The following PRKCA variants were observed in gnomAD, a reference collection of about 807,000 sequenced individuals.
PRKCA encodes the protein protein kinase C alpha type.
Under a neutral mutation model 87.0 loss-of-function variants are expected in PRKCA, and 27 were observed. The observed-to-expected ratio is 0.31, with a 90% CI of 0.23 to 0.43. The LOEUF (loss-of-function observed/expected upper bound fraction) is 0.43. Among genes scored for constraint, PRKCA ranks in the 20% least tolerant of loss-of-function variants. The pLI is 1.00. For missense variants in PRKCA, 518 were observed against 852.3 expected, an observed-to-expected ratio of 0.61 and a Z score of 4.88; for synonymous variants, 329 against 311.1, an observed-to-expected ratio of 1.06 and a Z score of -0.61.
intron 2 of PRKCA, among the ~76,000 whole-genome samples, chr17:66,495,944 C>G (rs1041413931): frequency 1.3e-5 from 2 of 152,172 alleles, no homozygotes; most frequent in Non-Finnish European, 2.9e-5. Context: ...TGATTCTCCT[C>G]TCCCTCAACT....
In PRKCA at chr17:66,754,409, G is replaced by A. The variant is rs75037130; in HGVS notation, c.1524+11649G>A. Among the ~76,000 whole-genome samples, 16 of 152,112 alleles carry A rather than the reference G, an allele frequency of 1.1e-4. No homozygotes were observed. In the East Asian group the frequency reaches 3.1e-3, roughly 30 times the overall value. ...TAAAGCAAGAGCCAGGATGAATCCT[G>A]GCCCCATCTGCCACCTCCCCACTGT... On this transcript the variant is annotated intron_variant, in intron 13 of 16. Transcript: ENST00000413366.
chr17:66,606,422 G>T (rs1038163135), intron 3 of PRKCA, among the ~76,000 whole-genome samples: 1 of 152,042 alleles, frequency 6.6e-6, no homozygotes, highest in African/African-American at 2.4e-5. Context: ...TTAAACCAAA[G>T]AAATACCAGG....
intron 3 of PRKCA, among the ~76,000 whole-genome samples, chr17:66,583,670 A>C (rs1268440750): frequency 6.6e-6 from 1 of 152,064 alleles, no homozygotes; most frequent in Non-Finnish European, 1.5e-5. Context: ...GAAATGTTTG[A>C]AAATGAGAAA....
intron 3 of PRKCA, among the ~76,000 whole-genome samples, chr17:66,497,470 T>G (rs377505269): frequency 6.7e-6 from 1 of 148,390 alleles, no homozygotes; most frequent in Non-Finnish European, 1.5e-5. Flanking sequence ...CACTCCAACC[T>G]GGGCAACAAG....
rs149039351 is a variant in PRKCA, at chr17:66,637,105, G to A, written c.289-4250G>A. Among the ~76,000 whole-genome samples the A allele has an allele frequency of 2.4e-3, 372 of 152,228 alleles. 1 individual carries two copies. Among genetic ancestry groups the A allele is most frequent in the African/African-American group, 8.5e-3 (355 of 41,540 alleles). ...TTCCTCTCTTCCTACACCTCCAAAC[G>A]GTGAGAACCTGAAGGTGCCATATGG... On this transcript the variant is annotated intron_variant, in intron 3 of 16. Coordinates refer to ENST00000413366, the MANE Select transcript of PRKCA (RefSeq NM_002737.3).
chr17:66,318,664 GGCCAAT>G, intron 2 of PRKCA, among the ~76,000 whole-genome samples: 2 of 152,252 alleles, frequency 1.3e-5, no homozygotes, highest in South Asian at 2.1e-4. Context: ...AGACTAGCCT[GGCCAAT>G]GCAGTGAAAC....
intron 3 of PRKCA, among the ~76,000 whole-genome samples, chr17:66,519,099 C>A (rs1479834469): frequency 2.6e-5 from 4 of 152,126 alleles, no homozygotes; most frequent in African/African-American, 9.7e-5. Flanking sequence ...TGGGCTCATG[C>A]TATTTCTATT....
chr17:66,590,799 G>A (rs1034438391), intron 3 of PRKCA, among the ~76,000 whole-genome samples: 1 of 152,012 alleles, frequency 6.6e-6, no homozygotes, highest in Admixed American at 6.6e-5. Context: ...GCAGTGAGCC[G>A]AGATCACGCT....
intron 2 of PRKCA, among the ~76,000 whole-genome samples, chr17:66,460,388 AG>A (rs60861757): frequency 6.6e-6 from 1 of 152,108 alleles, no homozygotes; most frequent in Admixed American, 6.5e-5. Context: ...CATTTGATAG[AG>A]GGGGGAAAAG....
At chr17:66,460,242 G>A (rs1376074686) in intron 2 of PRKCA, among the ~76,000 whole-genome samples, 1 of 152,164 alleles carries the variant, frequency 6.6e-6, no homozygotes, top group Non-Finnish European at 1.5e-5. Flanking sequence ...GAGTTGAATG[G>A]TATGTGGGCT....
intron 2 of PRKCA, among the ~76,000 whole-genome samples, chr17:66,410,572 CTTTTTG>C (rs765196764): frequency 4.0e-5 from 6 of 151,892 alleles, no homozygotes; most frequent in Non-Finnish European, 5.9e-5. Flanking sequence ...GGTAGTTGAA[CTTTTTG>C]TTTGTTTGTT....
In PRKCA at chr17:66,492,441, A is replaced by G. The variant is rs768152060; in HGVS notation, c.206-3760A>G. Among the ~76,000 whole-genome samples the G allele has an allele frequency of 7.9e-5, 12 of 152,332 alleles. No homozygotes were observed. In the East Asian group the frequency reaches 1.3e-3, roughly 17 times the overall value. ...AAAGAACAGGTACAAAAAGCAAACT[A>G]TTCTTCCATGGGATTTGATAAGTGT... On this transcript the variant is annotated intron_variant, in intron 2 of 16. Transcript: ENST00000413366.
intron 5 of PRKCA, among the ~76,000 whole-genome samples, chr17:66,671,667 A>C (rs1028116481): frequency 1.3e-5 from 2 of 152,214 alleles, no homozygotes; most frequent in African/African-American, 2.4e-5. Context: ...ATGGGCAGTG[A>C]TTTATGAGAT....
At chr17:66,743,326 C>G (rs1216016437) in intron 13 of PRKCA, among the ~76,000 whole-genome samples, 4 of 152,056 alleles carry the variant, frequency 2.6e-5, no homozygotes, top group Admixed American at 6.5e-5. Flanking sequence ...CTCTGTCCCC[C>G]CAAAAAAAGA....
chr17:66,379,347 G>A (rs1415860494), intron 2 of PRKCA, among the ~76,000 whole-genome samples: 2 of 152,150 alleles, frequency 1.3e-5, no homozygotes, highest in East Asian at 3.8e-4. Flanking sequence ...AGTCAGCCTG[G>A]TAAGACCAAT....
intron 2 of PRKCA, among the ~76,000 whole-genome samples, chr17:66,387,823 A>T (rs1453160229): frequency 6.6e-6 from 1 of 152,182 alleles, no homozygotes; most frequent in Non-Finnish European, 1.5e-5. Context: ...GCCACTTGAC[A>T]TGGCGATTGG....
chr17:66,680,342 G>A (rs1972456022), intron 5 of PRKCA, among the ~76,000 whole-genome samples: 1 of 152,192 alleles, frequency 6.6e-6, no homozygotes, highest in African/African-American at 2.4e-5. Flanking sequence ...GTGGAGGTGG[G>A]AGGTGTCACG....
intron 2 of PRKCA, among the ~76,000 whole-genome samples, chr17:66,420,173 G>T (rs771018628): frequency 6.6e-6 from 1 of 151,892 alleles, no homozygotes; most frequent in Admixed American, 6.6e-5. Context: ...CACCACGCCC[G>T]GCTAATTTTG....
chr17:66,470,190 CTTTTTTTT>C (rs546468555), intron 2 of PRKCA, among the ~76,000 whole-genome samples: 1 of 101,480 alleles, frequency 9.9e-6, no homozygotes, highest in Non-Finnish European at 1.9e-5. Flanking sequence ...AACCAGTTTG[CTTTTTTTT>C]TTTTTTTTTT....
Sources: allele counts gnomAD v4.1 joint callset (sites outside exome capture counted in the v4.1 genomes callset), GRCh38; gene constraint gnomAD v4.1.1; transcripts MANE v1.5; gene names NCBI Gene and HGNC (gene_info 2026-07-23, HGNC 2026-07-21).